MTLN: variants seen among roughly 807,000 people sequenced by gnomAD.
The protein encoded by MTLN is TP53-inhibiting lncRNA.
intron 1 of MTLN, 24 bp from the exon 2 acceptor site, chr2:110,211,646 A>G (rs1188387705): frequency 6.6e-6 from 1 of 152,192 alleles, no homozygotes; most frequent in African/African-American, 2.4e-5. Context: ...AAAAGAGAAA[A>G]AAATTAGAAA....
rs1228698117 is a variant in MTLN, at chr2:110,212,273, G to A, written c.*82C>T. 2 of 394,828 alleles carry A rather than the reference G, an allele frequency of 5.1e-6. No individual in the cohort carries two copies. The highest frequency in any genetic ancestry group is 8.9e-6 in the Non-Finnish European group (2 of 225,444). The allele number at this position is 394,828 out of a possible 1,614,324, so 24.5% of individuals were successfully genotyped here. On this transcript the variant is annotated 3_prime_UTR_variant, in exon 1 of 2. Transcript: ENST00000611969. ...GGGACTGTGTGGCAAGCCTGGTTCT[G>A]GGCGCCGGCGGACCGGGGCTCCGGC...
Position 110,212,296 on chromosome 2 carries a change from G to A in MTLN, c.*59C>T, listed in dbSNP as rs967376660. The A allele has an allele frequency of 8.8e-6, 3 of 340,000 alleles. No individual in the cohort carries two copies. The highest frequency in any genetic ancestry group is 1.4e-5 in the Non-Finnish European group (3 of 207,056). 21.1% of individuals were successfully genotyped at this position (340,000 alleles called of 1,614,324 possible). ...CTGGGCGCCGGCGGACCGGGGCTCC[G>A]GCGCGGACATGGCAAGGTGGCCATG... On this transcript the variant is annotated 3_prime_UTR_variant, in exon 1 of 2. Transcript: ENST00000611969.
chr2:110,211,791 T>C (rs1033614253), intron 1 of MTLN, among the ~76,000 whole-genome samples, 169 bp from the exon 2 acceptor site: 1 of 152,138 alleles, frequency 6.6e-6, no homozygotes, highest in Non-Finnish European at 1.5e-5. Flanking sequence ...GGATGCAAGG[T>C]TCCTGACTTC....
chr2:110,212,479 GC>G lies in MTLN; in HGVS notation c.46del (p.Ala16ProfsTer91). The G allele has an allele frequency of 2.5e-6, 1 of 398,992 alleles. No individual in the cohort carries two copies. Among genetic ancestry groups the G allele is most frequent in the Admixed American group, 4.4e-5 (1 of 22,734 alleles). The allele number at this position is 398,992 out of a possible 1,614,324, so 24.7% of individuals were successfully genotyped here. Reference protein sequence around the residue: ...ERTLQLSVLVAFASGVLLGWQ... With the variant: ...ERTLQLSVLVXFASGVLLGWQ... Reference sequence around the variant, plus strand: ...GCCCAGGAGTACTCCAGAAGCGAAGGCTACTAGCACGGACAACTGCAGTGTC... The same window carrying G: ...GCCCAGGAGTACTCCAGAAGCGAAGGTACTAGCACGGACAACTGCAGTGTC... On this transcript the variant is annotated frameshift_variant, in exon 1 of 2. Transcript: ENST00000611969. LOFTEE classifies it high-confidence loss of function.
At chr2:110,212,097 CA>C (rs1197572417) in intron 1 of MTLN, 117 bp downstream of exon 1, 1 of 353,954 alleles carries the variant, frequency 2.8e-6, no homozygotes, top group African/African-American at 2.1e-5. Context: ...ACAAAACTTC[CA>C]CCTTCTGGTG....
At position 110,212,498 on chromosome 2, in the gene MTLN, G is replaced by A; in HGVS notation, c.28C>T (p.Gln10Ter). The A allele has an allele frequency of 5.0e-6, 2 of 398,928 alleles. No homozygotes were observed. The highest frequency in any genetic ancestry group is 8.9e-6 in the Non-Finnish European group (2 of 225,984). 24.7% of individuals were successfully genotyped at this position (398,928 alleles called of 1,614,324 possible). Residue 10 changes from glutamine (Q) to a stop codon, truncating the protein, a stop_gained, in exon 1 of 2, where the codon CAG becomes TAG. Coordinates refer to ENST00000611969, the MANE Select transcript of MTLN (RefSeq NM_001384134.1). LOFTEE classifies it high-confidence loss of function. MADVSERTL[Q>*]LSVLVAFASG... Reference sequence around the variant, plus strand: ...GCGAAGGCTACTAGCACGGACAACTGCAGTGTCCTCTCTGACACATCCGCC... The same window carrying A: ...GCGAAGGCTACTAGCACGGACAACTACAGTGTCCTCTCTGACACATCCGCC...
rs557937807 is a variant in MTLN at position 110,212,334 on chromosome 2, T to TG, written c.*20dup. The TG allele has an allele frequency of 1.6e-4, 64 of 396,974 alleles. No homozygotes were observed. Among genetic ancestry groups the TG allele is most frequent in the Non-Finnish European group, 2.5e-4 (56 of 225,824 alleles). The allele number at this position is 396,974 out of a possible 1,614,324, so 24.6% of individuals were successfully genotyped here. A position where few individuals can be genotyped will look rare whatever the true frequency, so the allele number is the denominator to read the frequency against. ...CAAGGTGGCCATGAGGGGGACAGAATGGGGCGGAAGGCGCAGAGTCTCAGG... is the reference window on the plus strand; with the variant it reads ...CAAGGTGGCCATGAGGGGGACAGAATGGGGGCGGAAGGCGCAGAGTCTCAGG... On this transcript the variant is annotated 3_prime_UTR_variant, in exon 1 of 2. Coordinates refer to ENST00000611969, the MANE Select transcript of MTLN (RefSeq NM_001384134.1).
At position 110,212,203 on chromosome 2, in the gene MTLN, T is replaced by C. The variant is rs2104740857; in HGVS notation, c.*140+12A>G. On this transcript the variant is annotated intron_variant, in intron 1 of 1. Transcript: ENST00000611969. ...AGTCTCCCTTTGCAATGTCACTATG[T>C]GTACTGCTCACCAACACTCCAGGAA... 1 of 396,972 alleles carries C rather than the reference T, an allele frequency of 2.5e-6. No homozygotes were observed. Among genetic ancestry groups the C allele is most frequent in the East Asian group, 3.6e-5 (1 of 27,996 alleles). The allele number at this position is 396,972 out of a possible 1,614,324, so 24.6% of individuals were successfully genotyped here.
intron 1 of MTLN, among the ~76,000 whole-genome samples, 165 bp downstream of exon 1, chr2:110,212,050 C>T (rs1686111002): frequency 6.6e-6 from 1 of 152,160 alleles, no homozygotes; most frequent in African/African-American, 2.4e-5. Flanking sequence ...ACCCAGTGAA[C>T]CAAACCAAGA....
At chr2:110,211,860 G>A (rs1166376024) in intron 1 of MTLN, among the ~76,000 whole-genome samples, 1 of 152,204 alleles carries the variant, frequency 6.6e-6, no homozygotes, top group African/African-American at 2.4e-5. Flanking sequence ...TCAGTTTGGA[G>A]TTTACAATCG....
rs115993184 is a variant in MTLN at position 110,212,234 on chromosome 2, G to T, written c.*121C>A. On this transcript the variant is annotated 3_prime_UTR_variant, in exon 1 of 2. Transcript: ENST00000611969. ...GCTCACCAACACTCCAGGAAGAGCC[G>T]GCCATGGCAGGCGGGGACTGTGTGG... 540 of 393,382 alleles carry T rather than the reference G, an allele frequency of 1.4e-3. 4 individuals carry two copies. Among genetic ancestry groups the T allele is most frequent in the African/African-American group, 0.01 (491 of 46,774 alleles). 24.4% of individuals were successfully genotyped at this position (393,382 alleles called of 1,614,324 possible).
At position 110,212,526 on chromosome 2, in the gene MTLN, G is replaced by A. The variant is rs1253756047; in HGVS notation, c.-1C>T. Reference sequence around the variant, plus strand: ...GTGTCCTCTCTGACACATCCGCCATGGCTGCCGCCGGCGTGCAGCGCGGTC... The same window carrying A: ...GTGTCCTCTCTGACACATCCGCCATAGCTGCCGCCGGCGTGCAGCGCGGTC... On this transcript the variant is annotated 5_prime_UTR_variant, in exon 1 of 2. Coordinates refer to ENST00000611969, the MANE Select transcript of MTLN (RefSeq NM_001384134.1). 2 of 398,756 alleles carry A rather than the reference G, an allele frequency of 5.0e-6. No individual in the cohort carries two copies. Among genetic ancestry groups the A allele is most frequent in the Admixed American group, 4.4e-5 (1 of 22,706 alleles). 24.7% of individuals were successfully genotyped at this position (398,756 alleles called of 1,614,324 possible).
At chr2:110,211,814 C>T (rs1027452796) in intron 1 of MTLN, among the ~76,000 whole-genome samples, 192 bp from the exon 2 acceptor site, 1 of 152,212 alleles carries the variant, frequency 6.6e-6, no homozygotes, top group African/African-American at 2.4e-5. Flanking sequence ...GGCCACTGCT[C>T]TTTCCACTTT....
In MTLN at chr2:110,212,264, CCTGGTTCTGGGCGCCGGCGG is replaced by C. The variant is rs1686114391; in HGVS notation, c.*71_*90del. The C allele has an allele frequency of 5.1e-6, 2 of 395,210 alleles. No individual in the cohort carries two copies. The highest frequency in any genetic ancestry group is 8.9e-6 in the Non-Finnish European group (2 of 225,396). 24.5% of individuals were successfully genotyped at this position (395,210 alleles called of 1,614,324 possible). ...TGGCAGGCGGGGACTGTGTGGCAAGCCTGGTTCTGGGCGCCGGCGGACCGGGGCTCCGGCGCGGACATGGC... is the reference window on the plus strand; with the variant it reads ...TGGCAGGCGGGGACTGTGTGGCAAGCACCGGGGCTCCGGCGCGGACATGGC... On this transcript the variant is annotated 3_prime_UTR_variant, in exon 1 of 2. Transcript: ENST00000611969.
At chr2:110,211,877 C>A (rs975735508) in intron 1 of MTLN, among the ~76,000 whole-genome samples, 3 of 152,144 alleles carry the variant, frequency 2.0e-5, no homozygotes, top group African/African-American at 4.8e-5. Context: ...ATCGCCAAGG[C>A]GAAGATGTGC....
At chr2:110,211,955 T>C (rs1391733083) in intron 1 of MTLN, among the ~76,000 whole-genome samples, 1 of 152,220 alleles carries the variant, frequency 6.6e-6, no homozygotes, top group East Asian at 1.9e-4. Flanking sequence ...TTTTCTTTTG[T>C]TCTTTCCAGT....
At chr2:110,211,649 A>G (rs1574230783) in intron 1 of MTLN, 27 bp from the exon 2 acceptor site, 1 of 152,222 alleles carries the variant, frequency 6.6e-6, no homozygotes, top group Non-Finnish European at 1.5e-5. Flanking sequence ...AGAGAAAAAA[A>G]TTAGAAATAC....
In MTLN at chr2:110,212,528, C is replaced by G; in HGVS notation, c.-3G>C. ...GTCCTCTCTGACACATCCGCCATGG[C>G]TGCCGCCGGCGTGCAGCGCGGTCTA... On this transcript the variant is annotated 5_prime_UTR_variant, in exon 1 of 2. Coordinates refer to ENST00000611969, the MANE Select transcript of MTLN (RefSeq NM_001384134.1). 1 of 398,912 alleles carries G rather than the reference C, an allele frequency of 2.5e-6. No individual in the cohort carries two copies. 24.7% of individuals were successfully genotyped at this position (398,912 alleles called of 1,614,324 possible). A position where few individuals can be genotyped will look rare whatever the true frequency, so the allele number is the denominator to read the frequency against.
intron 1 of MTLN, 83 bp downstream of exon 1, chr2:110,212,132 C>T (rs1686112190): frequency 2.6e-6 from 1 of 380,998 alleles, no homozygotes; most frequent in African/African-American, 2.1e-5. Context: ...GTCCTGTCTT[C>T]TGCGACCTAG....
Sources: gnomAD v4.1 joint callset for allele counts (sites outside exome capture counted in the v4.1 genomes callset) on GRCh38, gnomAD v4.1.1 for gene constraint, MANE v1.5 for transcripts, NCBI Gene and HGNC (gene_info 2026-07-23, HGNC 2026-07-21) for gene names.